Variants in MIPOL1 observed in about 807,000 individuals in gnomAD.
The protein encoded by MIPOL1 is mirror-image polydactyly 1.
A neutral mutation model predicts 60.9 loss-of-function variants in MIPOL1; 57 were observed. The observed-to-expected ratio is 0.94, with a 90% CI of 0.76 to 1.17. The LOEUF (loss-of-function observed/expected upper bound fraction) is 1.17, where lower values mean the gene tolerates loss of function less well. Ranked by LOEUF, MIPOL1 falls within the 50% of genes most tolerant of loss-of-function variation. The probability of loss-of-function intolerance (pLI) is 0.00; values close to 1 mark genes in which losing one functional copy is unlikely to be tolerated. For missense variants in MIPOL1, 551 were observed against 511.6 expected (o/e 1.08, Z -0.74); for synonymous variants, 179 against 168.8 (o/e 1.06, Z -0.47).
intron 12 of MIPOL1, chr14:37,546,171 ACT>A (rs1484175522): frequency 6.6e-6 from 1 of 152,072 alleles, no homozygotes; most frequent in Non-Finnish European, 1.5e-5. Context: ...TGAACTTTCG[ACT>A]CTCTTTTCAA....
chr14:37,337,017 C>T (rs1203875496), intron 9 of MIPOL1, among the ~76,000 whole-genome samples: 1 of 151,844 alleles, frequency 6.6e-6, no homozygotes, highest in Non-Finnish European at 1.5e-5. Context: ...CCTGCTTCTG[C>T]CTCTGTAATT....
intron 10 of MIPOL1, among the ~76,000 whole-genome samples, chr14:37,393,226 C>T (rs1595563105): frequency 1.3e-5 from 2 of 152,128 alleles, no homozygotes; most frequent in South Asian, 4.1e-4. Context: ...TGATTTTGAA[C>T]TTCTGGCCTC....
At chr14:37,224,712 C>T (rs1441185126) in intron 1 of MIPOL1, among the ~76,000 whole-genome samples, 6 of 152,034 alleles carry the variant, frequency 3.9e-5, no homozygotes, top group East Asian at 3.9e-4. Flanking sequence ...CGTTCCACCC[C>T]GGCCCCTCCC....
At chr14:37,377,512 G>C (rs1037408162) in intron 10 of MIPOL1, among the ~76,000 whole-genome samples, 2 of 151,994 alleles carry the variant, frequency 1.3e-5, no homozygotes, top group African/African-American at 4.8e-5. Context: ...CAACTTTTTG[G>C]GGGGCAAGAT....
At chr14:37,310,063 A>G (rs1304334811) in intron 9 of MIPOL1, among the ~76,000 whole-genome samples, 1 of 151,944 alleles carries the variant, frequency 6.6e-6, no homozygotes, top group African/African-American at 2.4e-5. Flanking sequence ...CCCCACCCCA[A>G]CACACACACA....
intron 10 of MIPOL1, chr14:37,400,610 A>G (rs1223832906): frequency 6.6e-6 from 1 of 152,148 alleles, no homozygotes; most frequent in African/African-American, 2.4e-5. Context: ...AGGAAAACAA[A>G]TACAATTTTT....
At chr14:37,538,201 TAAGGAAG>T (rs893887670) in intron 12 of MIPOL1, among the ~76,000 whole-genome samples, 1 of 152,146 alleles carries the variant, frequency 6.6e-6, no homozygotes, top group Non-Finnish European at 1.5e-5. Context: ...AGCTAGTAGG[TAAGGAAG>T]AATAATGAAC....
chr14:37,204,400 C>T (rs530723452), intron 1 of MIPOL1, among the ~76,000 whole-genome samples: 15 of 152,188 alleles, frequency 9.9e-5, no homozygotes, highest in South Asian at 6.2e-4. Context: ...TGTGTCCCCA[C>T]GCAAATCTCA....
chr14:37,259,930 G>T (rs953574996), intron 3 of MIPOL1, among the ~76,000 whole-genome samples: 3 of 151,978 alleles, frequency 2.0e-5, no homozygotes, highest in Non-Finnish European at 2.9e-5. Flanking sequence ...GTTTGCAAAG[G>T]TTATTCATAT....
intron 12 of MIPOL1, among the ~76,000 whole-genome samples, chr14:37,524,828 A>G (rs2095437326): frequency 6.6e-6 from 1 of 151,896 alleles, no homozygotes; most frequent in Non-Finnish European, 1.5e-5. Flanking sequence ...TCAGCCTCCC[A>G]AAGTGCTGGG....
chr14:37,321,331 G>C (rs1461461144), intron 9 of MIPOL1, among the ~76,000 whole-genome samples: 1 of 151,202 alleles, frequency 6.6e-6, no homozygotes, highest in African/African-American at 2.4e-5. Context: ...TTCTAATTTT[G>C]TTTTCTTCTT....
At chr14:37,476,572 T>C (rs958164048) in intron 11 of MIPOL1, among the ~76,000 whole-genome samples, 3 of 152,202 alleles carry the variant, frequency 2.0e-5, no homozygotes, top group Non-Finnish European at 2.9e-5. Context: ...ATGGTTTTTA[T>C]AGATGTTCTG....
intron 7 of MIPOL1, among the ~76,000 whole-genome samples, chr14:37,298,998 CG>C (rs2153426453): frequency 6.6e-6 from 1 of 151,652 alleles, no homozygotes; most frequent in South Asian, 2.1e-4. Flanking sequence ...CACATGCACA[CG>C]TATGTTTATT....
chr14:37,431,865 G>T (rs1285661595), intron 11 of MIPOL1, among the ~76,000 whole-genome samples: 2 of 151,868 alleles, frequency 1.3e-5, no homozygotes, highest in Non-Finnish European at 2.9e-5. Flanking sequence ...GATTACAGGC[G>T]TGAGCCACTA....
chr14:37,442,738 A>T (rs934284543), intron 11 of MIPOL1, among the ~76,000 whole-genome samples: 1 of 151,964 alleles, frequency 6.6e-6, no homozygotes, highest in South Asian at 2.1e-4. Flanking sequence ...TTACAATAGC[A>T]TCAAAAAGAA....
rs111478476 is a variant in MIPOL1, at chr14:37,513,248, A to G, written c.1262+13110A>G. Among the ~76,000 whole-genome samples, 13 of 152,214 alleles carry G rather than the reference A, an allele frequency of 8.5e-5. 1 individual carries two copies. The highest frequency in any genetic ancestry group is 3.1e-4 in the African/African-American group (13 of 41,558). On this transcript the variant is annotated intron_variant, in intron 12 of 12. Transcript: ENST00000684589. The stretch of plus-strand genomic sequence containing the variant: ...TAACTTGTGAAATATGTCATCTCAT[A>G]CTCTGTTAAACAAGCATTTCATTAA...
At chr14:37,518,965 A>C (rs1178434738) in intron 12 of MIPOL1, among the ~76,000 whole-genome samples, 1 of 152,210 alleles carries the variant, frequency 6.6e-6, no homozygotes, top group Non-Finnish European at 1.5e-5. Flanking sequence ...TACATCTTAG[A>C]GTCTACAAAC....
chr14:37,269,976 C>A lies in MIPOL1; in HGVS notation c.388-444C>A, dbSNP rs369931348. Among the ~76,000 whole-genome samples, 10 of 151,908 alleles carry A rather than the reference C, an allele frequency of 6.6e-5. No homozygotes were observed. In the East Asian group the frequency reaches 1.4e-3, roughly 21 times the overall value. On this transcript the variant is annotated intron_variant, in intron 5 of 12. Transcript: ENST00000684589. ...TCGAGTAGCTGGGATTACAGGTGCC[C>A]GCCACCACACCTAGCTAATTTTTTG...
chr14:37,524,256 A>T (rs942922135), intron 12 of MIPOL1, among the ~76,000 whole-genome samples: 1 of 152,190 alleles, frequency 6.6e-6, no homozygotes, highest in Non-Finnish European at 1.5e-5. Flanking sequence ...CTAGGAAGTA[A>T]TAGAACTGAT....
Sources: gnomAD v4.1 joint callset for allele counts (sites outside exome capture counted in the v4.1 genomes callset) on GRCh38, gnomAD v4.1.1 for gene constraint, MANE v1.5 for transcripts, NCBI Gene and HGNC (gene_info 2026-07-23, HGNC 2026-07-21) for gene names.